The following EML4 variants were observed in gnomAD, a reference collection of about 807,000 sequenced individuals.
The protein encoded by EML4 is EMAP like 4, also known as echinoderm microtubule-associated protein-like 4.
A neutral mutation model predicts 129.0 loss-of-function variants in EML4; 72 were observed. The ratio of observed to expected loss-of-function variants is 0.56; its 90% confidence interval spans 0.46 to 0.68. EML4 has a LOEUF of 0.68. Among genes scored for constraint, EML4 ranks in the 30% least tolerant of loss-of-function variants. EML4 has a pLI of 0.00. For missense variants in EML4, 1,363 were observed against 1,190.6 expected (o/e 1.14, Z -2.13); for synonymous variants, 532 against 405.0 (o/e 1.31, Z -3.77).
At chr2:42,263,066 C>G in intron 4 of EML4, 112 bp from the exon 5 acceptor site, 1 of 862,770 alleles carries the variant, frequency 1.2e-6, no homozygotes, top group Non-Finnish European at 1.8e-6. Flanking sequence ...CTTCTCTTTT[C>G]TGGATTAGCT....
rs1327959366 is a variant in EML4, at chr2:42,231,503, GT to G, written c.26-13994del. ...TTTCTGCTCCCTCATTCCCCACACT[GT>G]TTTTTTTCCTTTGTTCTCTATCAGT... On this transcript the variant is annotated intron_variant, in intron 1 of 22. Transcript: ENST00000318522. Among the ~76,000 whole-genome samples, 4 of 151,766 alleles carry G rather than the reference GT, an allele frequency of 2.6e-5. No individual in the cohort carries two copies. In the East Asian group the frequency reaches 5.8e-4, roughly 22 times the overall value.
In EML4 at chr2:42,331,516, A is replaced by G. The variant is rs1572774968; in HGVS notation, c.*1309A>G. 1.3e-5 allele frequency: 3 copies of G among 223,862 alleles called. No individual in the cohort carries two copies. Among genetic ancestry groups the G allele is most frequent in the East Asian group, 6.6e-5 (1 of 15,236 alleles). The allele number at this position is 223,862 out of a possible 1,614,324, so 13.9% of individuals were successfully genotyped here. ...TATATGTTTATACTTTGATTATAAAAAAGTATTTTGTTTTGATTTTTTAAC... is the reference window on the plus strand; with the variant it reads ...TATATGTTTATACTTTGATTATAAAGAAGTATTTTGTTTTGATTTTTTAAC... On this transcript the variant is annotated 3_prime_UTR_variant, in exon 23 of 23. Transcript: ENST00000318522.
At chr2:42,229,914 A>AG (rs11450669) in intron 1 of EML4, among the ~76,000 whole-genome samples, 99,199 of 151,236 alleles carry the variant, frequency 0.66, 32,992 homozygotes, top group East Asian at 0.74. Flanking sequence ...AAGAAAGGAA[A>AG]GGGGATATTC....
At position 42,209,555 on chromosome 2, in the gene EML4, G is replaced by C. The variant is rs571316103; in HGVS notation, c.26-35950G>C. On this transcript the variant is annotated intron_variant, in intron 1 of 22. Coordinates refer to ENST00000318522, the MANE Select transcript of EML4 (RefSeq NM_019063.5). ...TGTTTTTCAAACTTTAGTTATCTGA[G>C]TACTGCCTTCATGATTTTCCCAGTC... Among the ~76,000 whole-genome samples the C allele has an allele frequency of 1.9e-3, 294 of 152,244 alleles. 1 individual carries two copies. The highest frequency in any genetic ancestry group is 6.7e-3 in the African/African-American group (279 of 41,556).
intron 19 of EML4, among the ~76,000 whole-genome samples, chr2:42,322,824 T>C (rs1010120702): frequency 6.6e-6 from 1 of 152,208 alleles, no homozygotes; most frequent in African/African-American, 2.4e-5. Context: ...GAGGGTAACA[T>C]AGACCCCAAC....
chr2:42,186,335 T>G (rs1237991182), intron 1 of EML4, among the ~76,000 whole-genome samples: 1 of 151,708 alleles, frequency 6.6e-6, no homozygotes, highest in African/African-American at 2.4e-5. Context: ...AAAGTCTTTA[T>G]ACTTGAAAAA....
Position 42,295,271 on chromosome 2 carries a change from A to T in EML4, c.1353+12A>T. Reference sequence around the variant, plus strand: ...AGGGAATTTTTGGGGTAAGAATCAGATTGTTTTAATGTCATTAGGTGTATA... The same window carrying T: ...AGGGAATTTTTGGGGTAAGAATCAGTTTGTTTTAATGTCATTAGGTGTATA... On this transcript the variant is annotated intron_variant, in intron 12 of 22. Transcript: ENST00000318522. 1 of 1,612,446 alleles carries T rather than the reference A, an allele frequency of 6.2e-7. No individual in the cohort carries two copies.
rs565904622 is a variant in EML4 at position 42,316,933 on chromosome 2, T to C, written c.2057-494T>C. On this transcript the variant is annotated intron_variant, in intron 18 of 22. Coordinates refer to ENST00000318522, the MANE Select transcript of EML4 (RefSeq NM_019063.5). Reference sequence around the variant, plus strand: ...TGTTTTTTAGTGTTGTAGTAGCAAATAACCACTGCAAATATAGCTGTCGAA... The same window carrying C: ...TGTTTTTTAGTGTTGTAGTAGCAAACAACCACTGCAAATATAGCTGTCGAA... Among the ~76,000 whole-genome samples the C allele has an allele frequency of 1.0e-3, 157 of 152,342 alleles. 1 individual carries two copies. The highest frequency in any genetic ancestry group is 1.8e-3 in the Non-Finnish European group (123 of 68,024).
chr2:42,301,446 T>C, intron 14 of EML4, 54 bp downstream of exon 14: 2 of 1,356,044 alleles, frequency 1.5e-6, no homozygotes, highest in South Asian at 1.5e-5. Flanking sequence ...TCAGGTATTT[T>C]GTCCCACATT....
chr2:42,326,175 A>T lies in EML4; in HGVS notation c.2264A>T (p.Lys755Ile), dbSNP rs34894922. The T allele has an allele frequency of 1.7e-4, 278 of 1,613,724 alleles. No individual in the cohort carries two copies. Among genetic ancestry groups the T allele is most frequent in the Non-Finnish European group, 2.2e-4 (256 of 1,179,874 alleles). The change falls in exon 21 of 23, where the codon AAA becomes ATA. Residue 755 changes from lysine to isoleucine, a missense_variant. Coordinates refer to ENST00000318522, the MANE Select transcript of EML4 (RefSeq NM_019063.5). Reference protein sequence around the residue: ...ILYWDIPNGCKLIRNRSDCKD... With the variant: ...ILYWDIPNGCILIRNRSDCKD... The stretch of plus-strand genomic sequence containing the variant: ...AAAGGGGACATTCCAAATGGCTGCA[A>T]ACTAATCAGGAATCGATCGGATTGT...
chr2:42,222,670 A>G (rs1480805465), intron 1 of EML4, among the ~76,000 whole-genome samples: 1 of 152,202 alleles, frequency 6.6e-6, no homozygotes, highest in African/African-American at 2.4e-5. Context: ...CATAAACTGT[A>G]CTGTGTAAAC....
At chr2:42,197,169 AC>A (rs1290840533) in intron 1 of EML4, among the ~76,000 whole-genome samples, 2 of 152,054 alleles carry the variant, frequency 1.3e-5, no homozygotes, top group Middle Eastern at 3.4e-3. Context: ...ATCAGGTGAT[AC>A]CCCCATCTCA....
chr2:42,314,989 A>G (rs1669160543), intron 17 of EML4, among the ~76,000 whole-genome samples: 1 of 152,210 alleles, frequency 6.6e-6, no homozygotes, highest in Admixed American at 6.5e-5. Flanking sequence ...ACCTCTTTCA[A>G]AAAATTTAGA....
chr2:42,304,435 A>AGG, intron 16 of EML4, 49 bp from the exon 17 acceptor site: 1 of 1,449,486 alleles, frequency 6.9e-7, no homozygotes, highest in South Asian at 1.2e-5. Flanking sequence ...CTGTCCCCAT[A>AGG]GGGAGACTTT....
chr2:42,175,750 C>T (rs1272170564), intron 1 of EML4, among the ~76,000 whole-genome samples: 2 of 152,168 alleles, frequency 1.3e-5, no homozygotes, highest in East Asian at 3.9e-4. Flanking sequence ...CCATCCACCT[C>T]AGCCTCCCAA....
At chr2:42,313,502 A>C (rs1572742716) in intron 17 of EML4, among the ~76,000 whole-genome samples, 1 of 152,130 alleles carries the variant, frequency 6.6e-6, no homozygotes, top group East Asian at 1.9e-4. Context: ...GCACTAAGCC[A>C]CGTTAAACCA....
chr2:42,211,999 C>T (rs1011334069), intron 1 of EML4, among the ~76,000 whole-genome samples: 42 of 152,056 alleles, frequency 2.8e-4, no homozygotes, highest in African/African-American at 1.0e-3. Context: ...TTCATGCCAC[C>T]ACGCCCAGCT....
At chr2:42,183,577 GTATA>G (rs1671075866) in intron 1 of EML4, among the ~76,000 whole-genome samples, 4 of 152,116 alleles carry the variant, frequency 2.6e-5, no homozygotes, top group African/African-American at 4.8e-5. Flanking sequence ...TAGGTTTTTG[GTATA>G]TGTATATGTA....
chr2:42,247,213 G>C (rs1055059335), intron 2 of EML4, among the ~76,000 whole-genome samples: 1 of 152,114 alleles, frequency 6.6e-6, no homozygotes, highest in African/African-American at 2.4e-5. Context: ...ATTTGAGAAG[G>C]GATCTTTGAG....
Sources: gnomAD v4.1 joint callset for allele counts (sites outside exome capture counted in the v4.1 genomes callset) on GRCh38, gnomAD v4.1.1 for gene constraint, MANE v1.5 for transcripts, NCBI Gene and HGNC (gene_info 2026-07-23, HGNC 2026-07-21) for gene names.